Variants in UGT1A8 observed in about 807,000 individuals in gnomAD.
UGT1A8 encodes UDP glucuronosyltransferase family 1 member A8, also known as UDP-glucuronosyltransferase 1A8.
A neutral mutation model predicts 45.3 loss-of-function variants in UGT1A8; 39 were observed. The ratio of observed to expected loss-of-function variants is 0.86; its 90% CI spans 0.67 to 1.12. UGT1A8 has a LOEUF of 1.12. UGT1A8 is among the 50% of genes most tolerant of loss of function. The pLI is 0.00. For synonymous variants in UGT1A8, 275 were observed against 249.2 expected, an observed-to-expected ratio of 1.10 and a Z score of -0.97; for missense variants, 719 against 664.9, an observed-to-expected ratio of 1.08 and a Z score of -0.90.
At chr2:233,626,845 G>T (rs111447023) in intron 1 of UGT1A8, among the ~76,000 whole-genome samples, 2 of 152,172 alleles carry the variant, frequency 1.3e-5, no homozygotes, top group African/African-American at 4.8e-5. Flanking sequence ...TGGGTGGCTA[G>T]CATTGTCCAA....
At chr2:233,670,735 G>A (rs1161772611) in intron 1 of UGT1A8, among the ~76,000 whole-genome samples, 1 of 152,078 alleles carries the variant, frequency 6.6e-6, no homozygotes, top group African/African-American at 2.4e-5. Flanking sequence ...GGGTTTGCAG[G>A]CAAGTAGACC....
intron 1 of UGT1A8, chr2:233,755,152 C>G: frequency 1.5e-6 from 2 of 1,299,966 alleles, no homozygotes; most frequent in Non-Finnish European, 2.1e-6. Flanking sequence ...ACCGCTTCCT[C>G]CCTGTCCTCG....
In UGT1A8 at chr2:233,769,823, C is replaced by A. The variant is rs1252116472; in HGVS notation, c.1295+1384C>A. The A allele has an allele frequency of 4.0e-5, 32 of 804,912 alleles. No homozygotes were observed. Among genetic ancestry groups the A allele is most frequent in the Non-Finnish European group, 5.3e-5 (30 of 565,272 alleles). 49.9% of individuals were successfully genotyped at this position (804,912 alleles called of 1,614,324 possible). A position where few individuals can be genotyped will look rare whatever the true frequency, so the allele number is the denominator to read the frequency against. On this transcript the variant is annotated intron_variant, in intron 4 of 4. Transcript: ENST00000373450. The surrounding 1 kb of genome is among the most constrained non-coding windows in gnomAD (Gnocchi z 4.4). ...TGAGCCGTGATCATGCCACTGCACT[C>A]CAGCAACCTGGGCAACAGAGTGAGA...
chr2:233,652,789 C>T (rs539212123), intron 1 of UGT1A8, among the ~76,000 whole-genome samples: 4 of 152,214 alleles, frequency 2.6e-5, no homozygotes, highest in African/African-American at 9.6e-5. Flanking sequence ...TGAAGATGCA[C>T]CCTTATATGC....
In UGT1A8 at chr2:233,747,740, TC is replaced by T. The variant is rs1007845310; in HGVS notation, c.856-19292del. On this transcript the variant is annotated intron_variant, in intron 1 of 4. Coordinates refer to ENST00000373450, the MANE Select transcript of UGT1A8 (RefSeq NM_019076.5). The stretch of plus-strand genomic sequence containing the variant: ...CTGCTGTGTTTTTTTTGAGGAACAT[TC>T]CATGTGATTTAGACTTTAAGGGCAC... 68 of 1,613,430 alleles carry T rather than the reference TC, an allele frequency of 4.2e-5. No individual in the cohort carries two copies. In the Admixed American group the frequency reaches 1.1e-3, roughly 27 times the overall value.
chr2:233,648,061 A>G lies in UGT1A8; in HGVS notation c.855+29499A>G, dbSNP rs1233463909. On this transcript the variant is annotated intron_variant, in intron 1 of 4. Coordinates refer to ENST00000373450, the MANE Select transcript of UGT1A8 (RefSeq NM_019076.5). The stretch of plus-strand genomic sequence containing the variant: ...AAGATCACTGAATTGCACAGTGAAG[A>G]CTTCTTCAACCTTATACACCCTGGA... 3 of 1,573,032 alleles carry G rather than the reference A, an allele frequency of 1.9e-6. No homozygotes were observed. In the South Asian group the frequency reaches 3.6e-5, roughly 19 times the overall value.
chr2:233,620,845 A>G (rs895788476), intron 1 of UGT1A8, among the ~76,000 whole-genome samples: 3 of 152,186 alleles, frequency 2.0e-5, no homozygotes, highest in Non-Finnish European at 2.9e-5. Context: ...AGATGCCAGG[A>G]TATGTCTGGG....
chr2:233,693,915 C>T, intron 1 of UGT1A8: 1 of 1,611,846 alleles, frequency 6.2e-7, no homozygotes, highest in South Asian at 1.1e-5. Context: ...CAGGCTCTGT[C>T]CTCCCTCACT....
At chr2:233,629,122 C>T (rs933926161) in intron 1 of UGT1A8, among the ~76,000 whole-genome samples, 2 of 151,992 alleles carry the variant, frequency 1.3e-5, no homozygotes, top group Non-Finnish European at 2.9e-5. Context: ...TACTCCATTC[C>T]CCCCTCCTCT....
chr2:233,711,814 G>A (rs1262111547), intron 1 of UGT1A8, among the ~76,000 whole-genome samples: 2 of 152,206 alleles, frequency 1.3e-5, no homozygotes, highest in African/African-American at 4.8e-5. Context: ...CATCATCCTG[G>A]GGCGACCAGG....
chr2:233,621,635 T>C (rs777497661), intron 1 of UGT1A8, among the ~76,000 whole-genome samples: 2 of 152,220 alleles, frequency 1.3e-5, no homozygotes, highest in Non-Finnish European at 2.9e-5. Context: ...CATATATCAA[T>C]CTTAGGTTAA....
At position 233,641,009 on chromosome 2, in the gene UGT1A8, C is replaced by T. The variant is rs372798135; in HGVS notation, c.855+22447C>T. ...AATAACATAATCTTCCTGCACCCAG[C>T]GATCACCAGACCCTCAGCTGATAGA... On this transcript the variant is annotated intron_variant, in intron 1 of 4. Coordinates refer to ENST00000373450, the MANE Select transcript of UGT1A8 (RefSeq NM_019076.5). Among the ~76,000 whole-genome samples, 38 of 152,264 alleles carry T rather than the reference C, an allele frequency of 2.5e-4. No homozygotes were observed. In the South Asian group the frequency reaches 3.9e-3, roughly 16 times the overall value.
intron 1 of UGT1A8, among the ~76,000 whole-genome samples, chr2:233,725,606 C>T (rs1199312835): frequency 2.0e-5 from 3 of 152,058 alleles, no homozygotes; most frequent in South Asian, 4.1e-4. Context: ...ATAGTTTTTT[C>T]TTGCTAAGTC....
intron 1 of UGT1A8, among the ~76,000 whole-genome samples, chr2:233,630,850 T>A (rs1243829305): frequency 6.6e-6 from 1 of 151,954 alleles, no homozygotes; most frequent in African/African-American, 2.4e-5. Context: ...TTTTTTTTTT[T>A]TATACTTTAA....
chr2:233,637,461 AT>A, intron 1 of UGT1A8: 1 of 1,503,714 alleles, frequency 6.7e-7, no homozygotes. Flanking sequence ...GTGATTTGAC[AT>A]TTTCGTTTGT....
chr2:233,717,344 G>A (rs187624404), intron 1 of UGT1A8, among the ~76,000 whole-genome samples: 9 of 152,242 alleles, frequency 5.9e-5, no homozygotes, highest in Admixed American at 2.0e-4. Context: ...CCCAGAAATC[G>A]TCCTCCCCTG....
At chr2:233,739,594 G>T (rs1253560976) in intron 1 of UGT1A8, among the ~76,000 whole-genome samples, 1 of 152,200 alleles carries the variant, frequency 6.6e-6, no homozygotes, top group East Asian at 1.9e-4. Flanking sequence ...GGGGCCTATA[G>T]CCCCTTTGTT....
At chr2:233,669,565 GTTTTCATTCCAA>G (rs1210230603) in intron 1 of UGT1A8, among the ~76,000 whole-genome samples, 1 of 152,062 alleles carries the variant, frequency 6.6e-6, no homozygotes, top group Non-Finnish European at 1.5e-5. Flanking sequence ...TTTAGGTGCT[GTTTTCATTCCAA>G]TTTTCAATTG....
chr2:233,651,990 T>G (rs1231502350), intron 1 of UGT1A8, among the ~76,000 whole-genome samples: 3 of 151,718 alleles, frequency 2.0e-5, no homozygotes, highest in Non-Finnish European at 2.9e-5. Context: ...ATAGTTTTAA[T>G]TAAGAAAAAA....
Sources: allele counts gnomAD v4.1 joint callset (sites outside exome capture counted in the v4.1 genomes callset), GRCh38; gene constraint gnomAD v4.1.1; non-coding constraint Gnocchi (gnomAD v3.1); transcripts MANE v1.5; gene names NCBI Gene and HGNC (gene_info 2026-07-23, HGNC 2026-07-21).